The following PDE1C variants were observed in gnomAD, a reference collection of about 807,000 sequenced individuals.
The protein encoded by PDE1C is dual specificity calcium/calmodulin-dependent 3',5'-cyclic nucleotide phosphodiesterase 1C.
PDE1C carries 62 observed loss-of-function variants against 93.1 expected under a neutral mutation model. The observed-to-expected ratio is 0.67, with a 90% CI of 0.54 to 0.82. PDE1C has a LOEUF of 0.82. PDE1C is among the 40% of genes least tolerant of loss of function. PDE1C has a pLI of 0.00. For missense variants in PDE1C, 742 were observed against 884.6 expected, an observed-to-expected ratio of 0.84 and a Z score of 2.04; for synonymous variants, 325 against 310.1, an observed-to-expected ratio of 1.05 and a Z score of -0.50.
the PDE1C span, among the ~76,000 whole-genome samples, chr7:31,698,480 TCA>T: frequency 6.6e-6 from 1 of 152,150 alleles, no homozygotes; most frequent in Non-Finnish European, 1.5e-5. Flanking sequence ...TCAGTTTCTT[TCA>T]CACACACACA....
chr7:31,677,326 C>T, the PDE1C span, among the ~76,000 whole-genome samples: 1 of 152,060 alleles, frequency 6.6e-6, no homozygotes, highest in Non-Finnish European at 1.5e-5. Flanking sequence ...ACAATTGACA[C>T]CAAAACTTGA....
intron 2 of PDE1C, among the ~76,000 whole-genome samples, chr7:31,903,660 G>T (rs1800249758): frequency 6.6e-6 from 1 of 151,992 alleles, no homozygotes. Flanking sequence ...TAAATATCAG[G>T]ATAGTCTATT....
chr7:31,767,055 TC>T (rs1390821041), intron 17 of PDE1C, among the ~76,000 whole-genome samples: 1 of 152,180 alleles, frequency 6.6e-6, no homozygotes, highest in African/African-American at 2.4e-5. Context: ...TCAAATAATC[TC>T]TATATTTTAA....
At chr7:31,981,141 T>A (rs993624089) in intron 2 of PDE1C, among the ~76,000 whole-genome samples, 2 of 152,226 alleles carry the variant, frequency 1.3e-5, no homozygotes, top group African/African-American at 4.8e-5. Flanking sequence ...CAAGAATATT[T>A]AAGTTATTCT....
Position 32,046,946 on chromosome 7 carries a change from C to T in PDE1C, c.128+4608G>A, listed in dbSNP as rs762663866. On this transcript the variant is annotated intron_variant, in intron 2 of 17. Transcript: ENST00000396191. ...ATAATCCAGACACATGAAAATTGAA[C>T]GTGTGTCTGTAGAACTCCCTCAGGT... Among the ~76,000 whole-genome samples the T allele has an allele frequency of 8.0e-4, 121 of 151,860 alleles. 3 individuals are homozygous for T. The highest frequency in any genetic ancestry group is 3.3e-4 in the Admixed American group (5 of 15,240).
At chr7:32,053,803 G>A (rs1793692544) in intron 1 of PDE1C, among the ~76,000 whole-genome samples, 1 of 152,082 alleles carries the variant, frequency 6.6e-6, no homozygotes, top group Admixed American at 6.5e-5. Flanking sequence ...AATATACTTT[G>A]CTAATCCTCA....
At chr7:32,213,721 G>A (rs1228371636) in intron 1 of PDE1C, among the ~76,000 whole-genome samples, 1 of 152,216 alleles carries the variant, frequency 6.6e-6, no homozygotes, top group African/African-American at 2.4e-5. Flanking sequence ...GAGCTTAAAT[G>A]TGGTGAGATC....
At chr7:32,190,755 T>C (rs1804181025) in intron 2 of PDE1C, among the ~76,000 whole-genome samples, 1 of 152,186 alleles carries the variant, frequency 6.6e-6, no homozygotes, top group South Asian at 2.1e-4. Context: ...AGACAGCCAT[T>C]AAAGATATAC....
At chr7:31,972,390 T>C (rs1004386826) in intron 2 of PDE1C, among the ~76,000 whole-genome samples, 10 of 152,196 alleles carry the variant, frequency 6.6e-5, no homozygotes, top group Non-Finnish European at 1.3e-4. Flanking sequence ...CTGAGAAATG[T>C]CAACCTGACT....
chr7:31,910,388 A>G (rs138520302), intron 2 of PDE1C, among the ~76,000 whole-genome samples: 21 of 152,230 alleles, frequency 1.4e-4, no homozygotes, highest in Non-Finnish European at 2.6e-4. Context: ...CTGTTCCTCC[A>G]ACTGCTGAAC....
intron 1 of PDE1C, among the ~76,000 whole-genome samples, chr7:32,427,566 C>T (rs975532352): frequency 6.6e-6 from 1 of 152,130 alleles, no homozygotes; most frequent in Non-Finnish European, 1.5e-5. Flanking sequence ...ATGGTGCCGG[C>T]CCCGGTACTA....
intron 2 of PDE1C, among the ~76,000 whole-genome samples, chr7:31,965,503 G>A (rs981980340): frequency 6.6e-6 from 1 of 152,188 alleles, no homozygotes; most frequent in African/African-American, 2.4e-5. Flanking sequence ...GAAAGTGACT[G>A]GGAGAATGGA....
chr7:32,136,693 C>T (rs371353858), intron 3 of PDE1C, among the ~76,000 whole-genome samples: 8 of 152,234 alleles, frequency 5.3e-5, no homozygotes, highest in Admixed American at 2.0e-4. Context: ...CAGGCATGTA[C>T]CAATAATGGG....
chr7:32,130,483 A>T (rs562233568), intron 3 of PDE1C, among the ~76,000 whole-genome samples: 69 of 151,994 alleles, frequency 4.5e-4, no homozygotes, highest in African/African-American at 1.5e-3. Context: ...CTCTCCTAAG[A>T]GCTAGGATAC....
the PDE1C span, among the ~76,000 whole-genome samples, chr7:31,734,746 A>C: frequency 2.0e-5 from 3 of 152,176 alleles, no homozygotes; most frequent in African/African-American, 7.2e-5. Flanking sequence ...CGGGGCACAT[A>C]TGTCCCATTA....
chr7:31,978,740 A>T (rs1415882015), intron 2 of PDE1C, among the ~76,000 whole-genome samples: 1 of 152,076 alleles, frequency 6.6e-6, no homozygotes, highest in Non-Finnish European at 1.5e-5. Context: ...TCCACTTTTC[A>T]ACAGAAATTT....
the PDE1C span, among the ~76,000 whole-genome samples, chr7:31,721,878 T>C: frequency 6.6e-6 from 1 of 152,154 alleles, no homozygotes. Context: ...CTGTACCAGG[T>C]GCTTTCACCA....
At chr7:31,793,675 CG>C (rs1489641943) in intron 16 of PDE1C, among the ~76,000 whole-genome samples, 4 of 98,336 alleles carry the variant, frequency 4.1e-5, no homozygotes, top group African/African-American at 1.2e-4. Context: ...AATGGGTCCT[CG>C]TTTTTTTTTT....
chr7:32,200,360 T>C (rs1804923303), intron 2 of PDE1C, among the ~76,000 whole-genome samples: 1 of 152,176 alleles, frequency 6.6e-6, no homozygotes, highest in Non-Finnish European at 1.5e-5. Context: ...GTTTGTTAAT[T>C]TCTTAGGCTC....
Sources: gnomAD v4.1 joint callset for allele counts (sites outside exome capture counted in the v4.1 genomes callset) on GRCh38, gnomAD v4.1.1 for gene constraint, MANE v1.5 for transcripts, NCBI Gene and HGNC (gene_info 2026-07-23, HGNC 2026-07-21) for gene names.